The following BMP3 variants were observed in gnomAD, a reference collection of about 807,000 sequenced individuals.
BMP3 encodes bone morphogenetic protein 3 (osteogenic).
BMP3 carries 23 observed loss-of-function variants against 38.1 expected under a neutral mutation model. The observed-to-expected ratio is 0.60, with a 90% CI of 0.43 to 0.86. BMP3 has a LOEUF of 0.86. Ranked by LOEUF, BMP3 falls within the 40% of genes least tolerant of loss-of-function variation. The probability of loss-of-function intolerance (pLI) is 0.00; values close to 1 mark genes in which losing one functional copy is unlikely to be tolerated. For missense variants in BMP3, 628 were observed against 579.6 expected, an observed-to-expected ratio of 1.08 and a Z score of -0.86; for synonymous variants, 258 against 225.7, an observed-to-expected ratio of 1.14 and a Z score of -1.28.
At position 81,031,547 on chromosome 4, in the gene BMP3, C is replaced by T. The variant is rs1739769443; in HGVS notation, c.263C>T (p.Pro88Leu). 8.1e-6 allele frequency: 13 copies of T among 1,610,890 alleles called. No individual in the cohort carries two copies. Among genetic ancestry groups the T allele is most frequent in the Non-Finnish European group, 1.0e-5 (12 of 1,179,056 alleles). Residue 88 changes from proline to leucine, a missense_variant, in exon 1 of 3, where the codon CCT becomes CTT. Coordinates refer to ENST00000282701, the MANE Select transcript of BMP3 (RefSeq NM_001201.5). ...SLEGGSQPWRPRLLREGNTVR... is the reference protein window; with the variant it reads ...SLEGGSQPWRLRLLREGNTVR... The stretch of plus-strand genomic sequence containing the variant: ...GAGGGAGGCTCGCAGCCCTGGCGCC[C>T]TCGGCTCCTGCGCGAAGGCAACACG...
chr4:81,033,418 G>C (rs72868581), intron 1 of BMP3, among the ~76,000 whole-genome samples: 6,741 of 152,224 alleles, frequency 0.044, 180 homozygotes, highest in African/African-American at 0.071. Context: ...TAGTCTCATA[G>C]CATCAAATAA....
intron 1 of BMP3, among the ~76,000 whole-genome samples, chr4:81,040,193 A>C (rs1484398743): frequency 6.6e-6 from 1 of 152,246 alleles, no homozygotes; most frequent in East Asian, 1.9e-4. Context: ...GGCTGCAATA[A>C]ATACATTCCC....
chr4:81,044,237 G>T (rs1019124489), intron 1 of BMP3, among the ~76,000 whole-genome samples: 1 of 152,218 alleles, frequency 6.6e-6, no homozygotes, highest in African/African-American at 2.4e-5. Flanking sequence ...AATAAGTCTT[G>T]ACAATCCTCC....
chr4:81,031,091 T>A lies in BMP3; in HGVS notation c.-194T>A. ...CGCAGCTGCTGGGGAAGAGCCCACC[T>A]GTCAGGCTGCGCTGGGTCAGCGCAG... is the stretch of plus-strand genomic sequence containing the variant. On this transcript the variant is annotated 5_prime_UTR_variant, in exon 1 of 3. Coordinates refer to ENST00000282701, the MANE Select transcript of BMP3 (RefSeq NM_001201.5). 3.3e-6 allele frequency: 2 copies of A among 598,136 alleles called. No homozygotes were observed. Among genetic ancestry groups the A allele is most frequent in the South Asian group, 2.2e-5 (1 of 46,034 alleles). 37.1% of individuals were successfully genotyped at this position (598,136 alleles called of 1,614,324 possible).
chr4:81,034,528 C>T (rs1267173093), intron 1 of BMP3, among the ~76,000 whole-genome samples: 1 of 152,170 alleles, frequency 6.6e-6, no homozygotes. Flanking sequence ...CCCATAGTCA[C>T]TTAATCTTCC....
chr4:81,037,057 G>T (rs1739941992), intron 1 of BMP3, among the ~76,000 whole-genome samples: 1 of 151,918 alleles, frequency 6.6e-6, no homozygotes, highest in African/African-American at 2.4e-5. Context: ...TTGTATTTGG[G>T]CATACCATGA....
chr4:81,032,276 C>T (rs1043238726), intron 1 of BMP3, among the ~76,000 whole-genome samples: 3 of 146,380 alleles, frequency 2.0e-5, no homozygotes, highest in Non-Finnish European at 4.5e-5. Flanking sequence ...GGGGTTGTAC[C>T]ATCCATCCTG....
At chr4:81,049,102 G>T (rs11942256) in intron 2 of BMP3, among the ~76,000 whole-genome samples, 1 of 152,084 alleles carries the variant, frequency 6.6e-6, no homozygotes, top group Admixed American at 6.6e-5. Context: ...AACAAAAACA[G>T]TGGAAAAATG....
rs1373762270 is a variant in BMP3, at chr4:81,054,152, T to A, written c.*616T>A. ...CCTCTGTAGGATGGTTTGCTTAATA[T>A]GGTTTTATAATTCAGTTTACACAGG... On this transcript the variant is annotated 3_prime_UTR_variant, in exon 3 of 3. Coordinates refer to ENST00000282701, the MANE Select transcript of BMP3 (RefSeq NM_001201.5). 1.3e-5 allele frequency: 2 copies of A among 152,604 alleles called. No individual in the cohort carries two copies. Among genetic ancestry groups the A allele is most frequent in the Admixed American group, 1.3e-4 (2 of 15,262 alleles). 9.5% of individuals were successfully genotyped at this position (152,604 alleles called of 1,614,324 possible).
intron 2 of BMP3, among the ~76,000 whole-genome samples, chr4:81,051,853 A>G (rs1740406313): frequency 6.6e-6 from 1 of 151,586 alleles, no homozygotes; most frequent in African/African-American, 2.4e-5. Context: ...AAAAAAAAGT[A>G]AGAACAGTTG....
At chr4:81,037,012 A>G (rs980023143) in intron 1 of BMP3, among the ~76,000 whole-genome samples, 18 of 152,064 alleles carry the variant, frequency 1.2e-4, no homozygotes, top group Non-Finnish European at 1.9e-4. Context: ...CCATCTTTTC[A>G]TGGCTATAGA....
rs1416429398 is a variant in BMP3 at position 81,039,705 on chromosome 4, A to G, written c.317-6033A>G. 3.9e-5 allele frequency among the ~76,000 whole-genome samples: 6 copies of G among 152,212 alleles called. No individual in the cohort carries two copies. The East Asian group carries it at 7.7e-4, about 20-fold the overall frequency. On this transcript the variant is annotated intron_variant, in intron 1 of 2. Transcript: ENST00000282701. ...AAAGTCAATTGCTAGCTAGCTTGCT[A>G]ACTCCTAGGGTCCTTCATGTTTGCA...
At position 81,053,598 on chromosome 4, in the gene BMP3, CCTG is replaced by C; in HGVS notation, c.*63_*65del. 1 of 779,180 alleles carries C rather than the reference CCTG, an allele frequency of 1.3e-6. No homozygotes were observed. Among genetic ancestry groups the C allele is most frequent in the Non-Finnish European group, 1.7e-6 (1 of 578,690 alleles). 48.3% of individuals were successfully genotyped at this position (779,180 alleles called of 1,614,324 possible). On this transcript the variant is annotated 3_prime_UTR_variant, in exon 3 of 3. Coordinates refer to ENST00000282701, the MANE Select transcript of BMP3 (RefSeq NM_001201.5). ...ATTAGTTTATTTTTATGGACTTCTT[CCTG>C]TTTTTTTTTTTTTTTTTTTTGCACT...
chr4:81,037,393 A>G, intron 1 of BMP3: 1 of 253,156 alleles, frequency 4.0e-6, no homozygotes. Context: ...TCTATTACCT[A>G]AAGCTAAGTG....
chr4:81,052,265 T>A (rs142293984), intron 2 of BMP3, among the ~76,000 whole-genome samples: 1 of 152,132 alleles, frequency 6.6e-6, no homozygotes, highest in Non-Finnish European at 1.5e-5. Context: ...TGTTTCTCAA[T>A]GTGTTTAAAA....
intron 1 of BMP3, among the ~76,000 whole-genome samples, 186 bp from the exon 2 acceptor site, chr4:81,045,552 T>C (rs888556484): frequency 2.0e-5 from 3 of 152,226 alleles, no homozygotes; most frequent in East Asian, 1.9e-4. Context: ...TATCTAAGAA[T>C]GGCTTCATAT....
intron 1 of BMP3, among the ~76,000 whole-genome samples, chr4:81,034,685 C>T (rs1739873367): frequency 6.6e-6 from 1 of 152,082 alleles, no homozygotes; most frequent in South Asian, 2.1e-4. Flanking sequence ...TCACATACTT[C>T]ATAGATTTAA....
At position 81,050,770 on chromosome 4, in the gene BMP3, T is replaced by C. The variant is rs188640436; in HGVS notation, c.1228-2575T>C. 1.9e-3 allele frequency among the ~76,000 whole-genome samples: 290 copies of C among 152,256 alleles called. 1 individual carries two copies. The highest frequency in any genetic ancestry group is 6.6e-3 in the African/African-American group (274 of 41,552). ...AAGCAAAAAATTACCTAACTGCTAT[T>C]GAAGTCGTGCTTCACCCTCATTAGA... On this transcript the variant is annotated intron_variant, in intron 2 of 2. Coordinates refer to ENST00000282701, the MANE Select transcript of BMP3 (RefSeq NM_001201.5).
At position 81,031,037 on chromosome 4, in the gene BMP3, C is replaced by T. The variant is rs541761785; in HGVS notation, c.-248C>T. 1.6e-5 allele frequency: 8 copies of T among 506,956 alleles called. No homozygotes were observed. Among genetic ancestry groups the T allele is most frequent in the South Asian group, 5.7e-5 (2 of 34,852 alleles). 31.4% of individuals were successfully genotyped at this position (506,956 alleles called of 1,614,324 possible). ...TCTCAGCGTTGGAGTGGAGACGGCG[C>T]CCGCAGCGCCCTGCGCGGGTGAGGT... On this transcript the variant is annotated 5_prime_UTR_variant, in exon 1 of 3. Transcript: ENST00000282701.
Sources: gnomAD v4.1 joint callset for allele counts (sites outside exome capture counted in the v4.1 genomes callset) on GRCh38, gnomAD v4.1.1 for gene constraint, MANE v1.5 for transcripts, NCBI Gene and HGNC (gene_info 2026-07-23, HGNC 2026-07-21) for gene names.